UHRF2: variants seen among roughly 807,000 people sequenced by gnomAD.
UHRF2 encodes the protein ubiquitin like with PHD and ring finger domains 2.
UHRF2 carries 23 observed loss-of-function variants against 96.8 expected under a neutral mutation model. That is an observed-to-expected ratio of 0.24 (90% CI 0.17 to 0.34). The LOEUF is 0.34. Ranked by LOEUF, UHRF2 falls within the 10% of genes least tolerant of loss-of-function variation. The probability of loss-of-function intolerance (pLI) is 1.00; values close to 1 mark genes in which losing one functional copy is unlikely to be tolerated. For synonymous variants in UHRF2, 385 were observed against 332.6 expected, an observed-to-expected ratio of 1.16 and a Z score of -1.72; for missense variants, 685 against 981.5, an observed-to-expected ratio of 0.70 and a Z score of 4.04.
chr9:6,489,515 A>G (rs1035570677), intron 9 of UHRF2, among the ~76,000 whole-genome samples: 2 of 152,188 alleles, frequency 1.3e-5, no homozygotes, highest in African/African-American at 2.4e-5. Flanking sequence ...AGTGACTACC[A>G]TTTTATGTTC....
Position 6,504,699 on chromosome 9 carries a change from G to T in UHRF2, c.2262+8G>T. 6.2e-7 allele frequency: 1 copy of T among 1,606,214 alleles called. No individual in the cohort carries two copies. The highest frequency in any genetic ancestry group is 1.1e-5 in the South Asian group (1 of 90,360). The stretch of plus-strand genomic sequence containing the variant: ...TTCCACAATGTCTGTAAAGTAAGTA[G>T]AATTCCTTCCTCACTTTCCCTGTTA... On this transcript the variant is annotated splice_region_variant and intron_variant, in intron 15 of 15. Transcript: ENST00000276893.
chr9:6,479,626 G>T (rs10115883), intron 6 of UHRF2, among the ~76,000 whole-genome samples: 1 of 151,904 alleles, frequency 6.6e-6, no homozygotes, highest in Non-Finnish European at 1.5e-5. Flanking sequence ...TTATATTCCT[G>T]TATGCAGTTG....
intron 9 of UHRF2, among the ~76,000 whole-genome samples, chr9:6,487,205 T>G (rs1379017738): frequency 2.1e-5 from 3 of 142,876 alleles, no homozygotes; most frequent in Admixed American, 7.0e-5. Flanking sequence ...TTTTTTTTTT[T>G]TTGAGATGGA....
intron 3 of UHRF2, among the ~76,000 whole-genome samples, chr9:6,446,095 T>C (rs1821485507): frequency 6.7e-6 from 1 of 149,140 alleles, no homozygotes; most frequent in African/African-American, 2.5e-5. Context: ...CTGGCTCAGG[T>C]GATCCTCCTG....
intron 3 of UHRF2, among the ~76,000 whole-genome samples, chr9:6,457,549 C>G (rs1474404977): frequency 6.6e-6 from 1 of 152,156 alleles, no homozygotes; most frequent in Non-Finnish European, 1.5e-5. Flanking sequence ...CTCTGTTGAA[C>G]AGGAATGGTG....
chr9:6,431,940 A>G (rs947905520), intron 2 of UHRF2, among the ~76,000 whole-genome samples: 7 of 152,174 alleles, frequency 4.6e-5, no homozygotes, highest in African/African-American at 1.2e-4. Flanking sequence ...TGAAACTTAC[A>G]TTTTGATTTG....
chr9:6,413,487 C>G lies in UHRF2; in HGVS notation c.-4C>G. On this transcript the variant is annotated 5_prime_UTR_variant, in exon 1 of 16. Coordinates refer to ENST00000276893, the MANE Select transcript of UHRF2 (RefSeq NM_152896.3). ...AGGGGACCGGTTCCTCTCTAGGCGC[C>G]AAGATGTGGATACAGGTTCGCACCA... The G allele has an allele frequency of 4.5e-6, 7 of 1,543,268 alleles. No individual in the cohort carries two copies. The highest frequency in any genetic ancestry group is 6.1e-6 in the Non-Finnish European group (7 of 1,142,818).
intron 14 of UHRF2, chr9:6,504,264 A>G: frequency 2.4e-5 from 4 of 165,038 alleles, no homozygotes; most frequent in Admixed American, 6.2e-5. Flanking sequence ...TGACCTTGTG[A>G]TCCGCCTGCC....
intron 1 of UHRF2, 75 bp downstream of exon 1, chr9:6,413,718 A>C: frequency 3.7e-6 from 5 of 1,369,144 alleles, no homozygotes; most frequent in Non-Finnish European, 4.7e-6. Flanking sequence ...CACCGGTCCG[A>C]GGGCTCTGTG....
chr9:6,444,769 AT>A (rs1372694641), intron 3 of UHRF2, among the ~76,000 whole-genome samples: 1 of 151,950 alleles, frequency 6.6e-6, no homozygotes, highest in African/African-American at 2.4e-5. Context: ...CGCCTGCCTA[AT>A]TTTTGTATTT....
At chr9:6,434,222 A>T (rs1445404175) in intron 3 of UHRF2, 49 bp downstream of exon 3, 1 of 1,540,898 alleles carries the variant, frequency 6.5e-7, no homozygotes, top group Non-Finnish European at 8.7e-7. Context: ...CATTTGTAGA[A>T]ACCAAAGCCT....
intron 4 of UHRF2, among the ~76,000 whole-genome samples, chr9:6,474,749 A>G (rs1823461704): frequency 6.6e-6 from 1 of 152,164 alleles, no homozygotes; most frequent in Non-Finnish European, 1.5e-5. Flanking sequence ...AGAAATGTAC[A>G]AATCCACACC....
At chr9:6,503,968 C>G (rs572988308) in intron 14 of UHRF2, among the ~76,000 whole-genome samples, 12 of 142,850 alleles carry the variant, frequency 8.4e-5, no homozygotes, top group African/African-American at 2.9e-4. Context: ...CTTTGCTCTT[C>G]TCAGGTAGTT....
rs750550060 is a variant in UHRF2 at position 6,504,661 on chromosome 9, G to C, written c.2232G>C (p.Val744=). ...VCCQELVYQP[V]TTECFHNVCK... ...GTCAGGAGCTAGTTTACCAGCCTGT[G>C]ACAACTGAGTGCTTCCACAATGTCT... is the stretch of plus-strand genomic sequence containing the variant. Residue 744 remains valine, a synonymous_variant, in exon 15 of 16, where the codon GTG becomes GTC. Transcript: ENST00000276893. 3.1e-6 allele frequency: 5 copies of C among 1,613,846 alleles called. No homozygotes were observed. Among genetic ancestry groups the C allele is most frequent in the Non-Finnish European group, 4.2e-6 (5 of 1,179,842 alleles).
At chr9:6,441,800 AT>A (rs1461878331) in intron 3 of UHRF2, among the ~76,000 whole-genome samples, 2 of 151,898 alleles carry the variant, frequency 1.3e-5, no homozygotes, top group African/African-American at 4.8e-5. Context: ...TTCTAAAATT[AT>A]ATTTCATTCA....
At chr9:6,463,493 TG>T (rs1822677554) in intron 4 of UHRF2, among the ~76,000 whole-genome samples, 1 of 151,006 alleles carries the variant, frequency 6.6e-6, no homozygotes, top group Admixed American at 6.6e-5. Flanking sequence ...TTTTGGGAGA[TG>T]GGGTCTCGCT....
In UHRF2 at chr9:6,413,467, A is replaced by C; in HGVS notation, c.-24A>C. On this transcript the variant is annotated 5_prime_UTR_variant, in exon 1 of 16. Coordinates refer to ENST00000276893, the MANE Select transcript of UHRF2 (RefSeq NM_152896.3). ...CAGAGCTCAGGGGGAGACAAAGGGGACCGGTTCCTCTCTAGGCGCCAAGAT... is the reference window on the plus strand; with the variant it reads ...CAGAGCTCAGGGGGAGACAAAGGGGCCCGGTTCCTCTCTAGGCGCCAAGAT... The C allele has an allele frequency of 6.6e-7, 1 of 1,505,056 alleles. No individual in the cohort carries two copies. Among genetic ancestry groups the C allele is most frequent in the Non-Finnish European group, 8.9e-7 (1 of 1,118,596 alleles). 93.2% of individuals were successfully genotyped at this position (1,505,056 alleles called of 1,614,324 possible). A position where few individuals can be genotyped will look rare whatever the true frequency, so the allele number is the denominator to read the frequency against.
chr9:6,503,519 C>A (rs1462486240), intron 14 of UHRF2, among the ~76,000 whole-genome samples: 2 of 151,902 alleles, frequency 1.3e-5, no homozygotes, highest in African/African-American at 4.8e-5. Context: ...ATAATTTCCT[C>A]CTACTGTAAA....
At chr9:6,491,478 GT>G (rs1408551079) in intron 9 of UHRF2, among the ~76,000 whole-genome samples, 1 of 152,198 alleles carries the variant, frequency 6.6e-6, no homozygotes, top group African/African-American at 2.4e-5. Context: ...AGAGAAGTTG[GT>G]AACATTTGAG....
Sources: allele counts gnomAD v4.1 joint callset (sites outside exome capture counted in the v4.1 genomes callset), GRCh38; gene constraint gnomAD v4.1.1; transcripts MANE v1.5; gene names NCBI Gene and HGNC (gene_info 2026-07-23, HGNC 2026-07-21).